The following NEO1 variants were observed in gnomAD, a reference collection of about 807,000 sequenced individuals.
NEO1 encodes the protein neogenin.
NEO1 carries 63 observed loss-of-function variants against 159.7 expected under a neutral mutation model. That is an observed-to-expected ratio of 0.39 (90% CI 0.32 to 0.49). NEO1 has a LOEUF of 0.49. Among genes scored for constraint, NEO1 ranks in the 20% least tolerant of loss-of-function variants. The pLI, the probability that NEO1 is intolerant of heterozygous loss-of-function variation, is 0.85. For synonymous variants in NEO1, 633 were observed against 662.0 expected, an observed-to-expected ratio of 0.96 and a Z score of 0.67; for missense variants, 1,615 against 1,831.0, an observed-to-expected ratio of 0.88 and a Z score of 2.15.
intron 23 of NEO1, 127 bp from the exon 24 acceptor site, chr15:73,288,186 A>T (rs1188044958): frequency 2.8e-6 from 2 of 726,954 alleles, no homozygotes; most frequent in Non-Finnish European, 4.6e-6. Flanking sequence ...GGCAGGAGGT[A>T]TGTTTTTAGT....
intron 5 of NEO1, among the ~76,000 whole-genome samples, chr15:73,157,417 G>A (rs1433405929): frequency 1.3e-5 from 2 of 152,212 alleles, no homozygotes; most frequent in East Asian, 3.9e-4. Context: ...GAATGTATGG[G>A]ACGTCCCTGG....
chr15:73,273,729 T>C (rs2041281749), intron 19 of NEO1, 82 bp from the exon 20 acceptor site: 1 of 919,600 alleles, frequency 1.1e-6, no homozygotes. Context: ...ATTCATATGA[T>C]ATAATAGGTA....
chr15:73,220,099 G>A (rs2150748001), intron 7 of NEO1, among the ~76,000 whole-genome samples: 1 of 152,084 alleles, frequency 6.6e-6, no homozygotes, highest in South Asian at 2.1e-4. Flanking sequence ...TCCTTCAGGA[G>A]CTCTTTTAGG....
intron 7 of NEO1, among the ~76,000 whole-genome samples, chr15:73,183,423 G>A (rs1052035651): frequency 5.3e-5 from 8 of 152,124 alleles, no homozygotes; most frequent in Non-Finnish European, 1.0e-4. Flanking sequence ...CATTGATGCC[G>A]GGGAAAGGGT....
intron 22 of NEO1, among the ~76,000 whole-genome samples, chr15:73,282,484 T>C (rs1190305224): frequency 6.6e-6 from 1 of 152,246 alleles, no homozygotes; most frequent in Admixed American, 6.5e-5. Context: ...AAAAACAGAC[T>C]TTACTTTTCA....
intron 4 of NEO1, among the ~76,000 whole-genome samples, chr15:73,130,162 CG>C (rs2030895850): frequency 1.3e-5 from 2 of 151,998 alleles, no homozygotes; most frequent in East Asian, 3.9e-4. Flanking sequence ...TTCATAGAGA[CG>C]GGGTTTCACC....
intron 1 of NEO1, among the ~76,000 whole-genome samples, chr15:73,115,514 A>G (rs1054950236): frequency 6.6e-6 from 1 of 152,240 alleles, no homozygotes; most frequent in Non-Finnish European, 1.5e-5. Context: ...ATTATATAAT[A>G]TAGAATTTAT....
At chr15:73,082,594 GA>G (rs1359182106) in intron 1 of NEO1, among the ~76,000 whole-genome samples, 2 of 150,652 alleles carry the variant, frequency 1.3e-5, no homozygotes, top group East Asian at 3.9e-4. Context: ...TTTTTTTTTG[GA>G]AAGAAAGCAT....
In NEO1 at chr15:73,298,548, C is replaced by T; in HGVS notation, c.4102C>T (p.Pro1368Ser). 1 of 1,614,220 alleles carries T rather than the reference C, an allele frequency of 6.2e-7. No homozygotes were observed. Among genetic ancestry groups the T allele is most frequent in the Non-Finnish European group, 8.5e-7 (1 of 1,180,044 alleles). The part of the protein sequence containing the change: ...PLKSFAVPAI[P>S]PPGPPTYDPA... The stretch of plus-strand genomic sequence containing the variant: ...GAAGAGCTTCGCCGTGCCAGCAATC[C>T]CGCCTCCAGGACCTCCCACCTATGA... The change falls in exon 27 of 29, where the codon CCG (proline) becomes TCG (serine). Residue 1368 changes from proline to serine, a missense_variant. Physicochemically the swap from Pro to Ser is moderately conservative, Grantham distance 74 (BLOSUM62 -1). Transcript: ENST00000261908.
At chr15:73,234,338 A>G (rs1005306499) in intron 7 of NEO1, among the ~76,000 whole-genome samples, 2 of 152,092 alleles carry the variant, frequency 1.3e-5, no homozygotes, top group Non-Finnish European at 2.9e-5. Context: ...CAAATTCATA[A>G]TCTCCCCCTC....
chr15:73,268,333 A>G (rs2041011337), intron 16 of NEO1, among the ~76,000 whole-genome samples: 1 of 152,234 alleles, frequency 6.6e-6, no homozygotes, highest in African/African-American at 2.4e-5. Context: ...AATATAGCCT[A>G]CTAGCTAGAA....
chr15:73,227,068 G>A (rs1025270779), intron 7 of NEO1, among the ~76,000 whole-genome samples: 4 of 152,134 alleles, frequency 2.6e-5, no homozygotes, highest in African/African-American at 9.7e-5. Flanking sequence ...AATAATTATA[G>A]ACTGTTACTA....
intron 1 of NEO1, among the ~76,000 whole-genome samples, chr15:73,071,553 A>C (rs1430160721): frequency 6.6e-6 from 1 of 151,400 alleles, no homozygotes; most frequent in Non-Finnish European, 1.5e-5. Flanking sequence ...TTTGAGACAG[A>C]GTCTCACTCC....
chr15:73,191,125 TA>T (rs1170976376), intron 7 of NEO1, among the ~76,000 whole-genome samples: 1 of 152,088 alleles, frequency 6.6e-6, no homozygotes, highest in East Asian at 1.9e-4. Flanking sequence ...ATAACTCGTA[TA>T]ATGAAACAAA....
chr15:73,177,845 A>G (rs1008040578), intron 6 of NEO1, among the ~76,000 whole-genome samples: 1 of 152,186 alleles, frequency 6.6e-6, no homozygotes, highest in African/African-American at 2.4e-5. Context: ...CTGGCCCAGT[A>G]GTAATAGTTG....
chr15:73,298,344 G>T lies in NEO1; in HGVS notation c.3902-4G>T. ...ATGCTAACATTTAGACTTTCCTGCT[G>T]TAGAATCCGTTCGAAATACCCCCAG... On this transcript the variant is annotated splice_region_variant and splice_polypyrimidine_tract_variant and intron_variant, in intron 26 of 28. Coordinates refer to ENST00000261908, the MANE Select transcript of NEO1 (RefSeq NM_002499.4). 2 of 1,613,728 alleles carry T rather than the reference G, an allele frequency of 1.2e-6. No individual in the cohort carries two copies. Among genetic ancestry groups the T allele is most frequent in the Non-Finnish European group, 1.7e-6 (2 of 1,179,646 alleles).
At chr15:73,061,750 A>T (rs2067989514) in intron 1 of NEO1, among the ~76,000 whole-genome samples, 1 of 152,186 alleles carries the variant, frequency 6.6e-6, no homozygotes, top group African/African-American at 2.4e-5. Context: ...TTTTATATAT[A>T]CAATTATATA....
At chr15:73,067,564 C>G (rs1400487716) in intron 1 of NEO1, among the ~76,000 whole-genome samples, 1 of 151,340 alleles carries the variant, frequency 6.6e-6, no homozygotes, top group Non-Finnish European at 1.5e-5. Context: ...TTTCTCCTGC[C>G]TCAGCCTCCT....
At chr15:73,260,142 C>A in intron 14 of NEO1, 129 bp from the exon 15 acceptor site, 3 of 593,858 alleles carry the variant, frequency 5.1e-6, no homozygotes, top group African/African-American at 1.9e-5. Context: ...TCTTTTTGAA[C>A]TCTTGGGCAT....
Sources: allele counts gnomAD v4.1 joint callset (sites outside exome capture counted in the v4.1 genomes callset), GRCh38; gene constraint gnomAD v4.1.1; transcripts MANE v1.5; gene names NCBI Gene and HGNC (gene_info 2026-07-23, HGNC 2026-07-21).